Variants in AFTPH observed in about 807,000 individuals in gnomAD.
The protein encoded by AFTPH is aftiphilin.
A neutral mutation model predicts 72.5 loss-of-function variants in AFTPH; 7 were observed. The ratio of observed to expected loss-of-function variants is 0.10; its 90% confidence interval spans 0.05 to 0.18. The LOEUF is 0.18. Ranked by LOEUF, AFTPH falls within the 10% of genes least tolerant of loss-of-function variation. The probability of loss-of-function intolerance (pLI) is 1.00; values close to 1 mark genes in which losing one functional copy is unlikely to be tolerated. For synonymous variants in AFTPH, 337 were observed against 370.1 expected, an observed-to-expected ratio of 0.91 and a Z score of 1.03; for missense variants, 979 against 1,060.5, an observed-to-expected ratio of 0.92 and a Z score of 1.07.
At chr2:64,553,812 CT>C (rs34604319) in intron 2 of AFTPH, among the ~76,000 whole-genome samples, 68 of 146,084 alleles carry the variant, frequency 4.7e-4, no homozygotes, top group East Asian at 2.4e-3. Context: ...AGATTTGGAT[CT>C]TTTTTTTTTT....
chr2:64,574,088 T>C (rs1260827649), intron 6 of AFTPH, among the ~76,000 whole-genome samples: 2 of 152,254 alleles, frequency 1.3e-5, no homozygotes, highest in Admixed American at 1.3e-4. Context: ...TGGGCTTGCT[T>C]ACTCTTTCCA....
chr2:64,576,422 T>C (rs1174057842), intron 6 of AFTPH, among the ~76,000 whole-genome samples: 7 of 152,138 alleles, frequency 4.6e-5, no homozygotes, highest in Non-Finnish European at 1.0e-4. Flanking sequence ...TTGGCTTGTA[T>C]TCATTGATCT....
At chr2:64,541,296 CATATT>C (rs1230041743) in intron 1 of AFTPH, among the ~76,000 whole-genome samples, 1 of 152,030 alleles carries the variant, frequency 6.6e-6, no homozygotes, top group Admixed American at 6.6e-5. Flanking sequence ...TCTTAAATAA[CATATT>C]ATGCAGTTGG....
At chr2:64,562,248 G>A (rs1268909196) in intron 2 of AFTPH, among the ~76,000 whole-genome samples, 1 of 151,466 alleles carries the variant, frequency 6.6e-6, no homozygotes, top group Non-Finnish European at 1.5e-5. Flanking sequence ...CCCAACCTGT[G>A]TATAAAAATG....
chr2:64,572,220 C>CA lies in AFTPH; in HGVS notation c.2272-710dup, dbSNP rs34614295. On this transcript the variant is annotated intron_variant, in intron 5 of 8. Transcript: ENST00000238856. ...GGGCAACAGGAGCAAAACTCTGTCT[C>CA]AAAAAAAAAAAAAAAAGGTGTATTA... is the stretch of plus-strand genomic sequence containing the variant. Among the ~76,000 whole-genome samples, 1,072 of 116,818 alleles carry CA rather than the reference C, an allele frequency of 9.2e-3. 22 individuals are homozygous for CA. Among genetic ancestry groups the CA allele is most frequent in the African/African-American group, 0.024 (753 of 31,248 alleles). 76.6% of individuals were successfully genotyped at this position (116,818 alleles called of 152,430 possible). A position where few individuals can be genotyped will look rare whatever the true frequency, so the allele number is the denominator to read the frequency against.
At chr2:64,572,813 A>AG in intron 5 of AFTPH, 133 bp from the exon 6 acceptor site, 1 of 1,271,886 alleles carries the variant, frequency 7.9e-7, no homozygotes, top group East Asian at 2.4e-5. Context: ...TAAAAAAAAA[A>AG]AAAGACTAGT....
chr2:64,584,649 T>A (rs1367654693), intron 7 of AFTPH, among the ~76,000 whole-genome samples: 1 of 141,148 alleles, frequency 7.1e-6, no homozygotes, highest in Admixed American at 7.6e-5. Context: ...CAGGCTGGAG[T>A]GCAGTGGCGT....
chr2:64,524,380 T>C (rs1202385787), exon 1 of AFTPH: 2 of 402,396 alleles, frequency 5.0e-6, no homozygotes, highest in Non-Finnish European at 8.7e-6. Flanking sequence ...GCGGAGGAGG[T>C]GGAGGAGGCG....
At chr2:64,568,242 GTT>G (rs943786700) in intron 3 of AFTPH, among the ~76,000 whole-genome samples, 7 of 152,034 alleles carry the variant, frequency 4.6e-5, no homozygotes, top group African/African-American at 1.7e-4. Flanking sequence ...CCATATATCA[GTT>G]TTTGGTTAAT....
chr2:64,584,593 A>ATTTT (rs5831705), intron 7 of AFTPH, among the ~76,000 whole-genome samples: 20 of 116,980 alleles, frequency 1.7e-4, no homozygotes, highest in African/African-American at 3.4e-4. Context: ...CTTAGTCATG[A>ATTTT]TTTTTTTTTT....
chr2:64,571,361 T>C (rs1186109530), intron 5 of AFTPH, among the ~76,000 whole-genome samples: 1 of 151,950 alleles, frequency 6.6e-6, no homozygotes, highest in Non-Finnish European at 1.5e-5. Flanking sequence ...TGATTGGGGA[T>C]CACAATTTGA....
chr2:64,560,445 C>T (rs1302154083), intron 2 of AFTPH, among the ~76,000 whole-genome samples: 2 of 152,022 alleles, frequency 1.3e-5, no homozygotes, highest in Non-Finnish European at 2.9e-5. Flanking sequence ...AATGAATATA[C>T]AAGAAATGAG....
chr2:64,572,144 T>G (rs987648503), intron 5 of AFTPH, among the ~76,000 whole-genome samples: 11 of 150,264 alleles, frequency 7.3e-5, no homozygotes, highest in Admixed American at 5.4e-4. Context: ...CGCTTGAACC[T>G]GGTGGGTAGA....
chr2:64,592,165 G>A (rs183554505), exon 9 of AFTPH: 19 of 919,460 alleles, frequency 2.1e-5, no homozygotes, highest in South Asian at 6.1e-5. Context: ...TTGGTAAGCC[G>A]CACTAGAAAG....
chr2:64,589,929 A>T (rs544680060), intron 8 of AFTPH, among the ~76,000 whole-genome samples: 1 of 99,804 alleles, frequency 1.0e-5, no homozygotes, highest in African/African-American at 4.0e-5. Context: ...ATCTTTTCCT[A>T]TGCAAATACA....
At position 64,548,407 on chromosome 2, in the gene AFTPH, GAAAAAAAAAAAAAAA is replaced by G. The variant is rs57995634; in HGVS notation, c.-32-3022_-32-3008del. Reference sequence around the variant, plus strand: ...AGAGCGAGACTCCGTCTCAAAAAAAGAAAAAAAAAAAAAAAAAAAAAAAAAAAACTTTAGAAAAAG... The same window carrying G: ...AGAGCGAGACTCCGTCTCAAAAAAAGAAAAAAAAAAAAACTTTAGAAAAAG... On this transcript the variant is annotated intron_variant, in intron 1 of 8. Coordinates refer to ENST00000238856, the Ensembl canonical transcript of AFTPH. Among the ~76,000 whole-genome samples the G allele has an allele frequency of 1.0e-4, 6 of 59,992 alleles. No homozygotes were observed. The East Asian group carries it at 2.1e-3, about 21-fold the overall frequency. 39.4% of individuals were successfully genotyped at this position (59,992 alleles called of 152,430 possible). A position where few individuals can be genotyped will look rare whatever the true frequency, so the allele number is the denominator to read the frequency against.
At chr2:64,524,442 G>A (rs1298547392) in exon 1 of AFTPH, 2 of 403,010 alleles carry the variant, frequency 5.0e-6, no homozygotes, top group Non-Finnish European at 8.7e-6. Flanking sequence ...TCCCGCGGCA[G>A]CGGTGAAACT....
At chr2:64,561,085 T>C (rs1181235419) in intron 2 of AFTPH, among the ~76,000 whole-genome samples, 2 of 152,230 alleles carry the variant, frequency 1.3e-5, no homozygotes, top group African/African-American at 4.8e-5. Flanking sequence ...ATAGCTCCTC[T>C]ACTTGGCTTC....
intron 1 of AFTPH, among the ~76,000 whole-genome samples, chr2:64,529,376 T>C (rs1669468418): frequency 3.9e-5 from 6 of 151,954 alleles, no homozygotes; most frequent in African/African-American, 1.5e-4. Flanking sequence ...CTTAGAATCT[T>C]GGTAGCCACA....
Sources: gnomAD v4.1 joint callset for allele counts (sites outside exome capture counted in the v4.1 genomes callset) on GRCh38, gnomAD v4.1.1 for gene constraint, MANE v1.5 for transcripts, NCBI Gene and HGNC (gene_info 2026-07-23, HGNC 2026-07-21) for gene names.